The following VRK1 variants were observed in gnomAD, a reference collection of about 807,000 sequenced individuals.
VRK1 encodes VRK serine/threonine kinase 1.
Under a neutral mutation model 57.1 loss-of-function variants are expected in VRK1, and 33 were observed. The ratio of observed to expected loss-of-function variants is 0.58; its 90% CI spans 0.44 to 0.77. The LOEUF (loss-of-function observed/expected upper bound fraction) is 0.77. Ranked by LOEUF, VRK1 falls within the 30% of genes least tolerant of loss-of-function variation. The probability of loss-of-function intolerance (pLI) is 0.00; values close to 1 mark genes in which losing one functional copy is unlikely to be tolerated. For synonymous variants in VRK1, 137 were observed against 147.8 expected, an observed-to-expected ratio of 0.93 and a Z score of 0.53; for missense variants, 413 against 477.3, an observed-to-expected ratio of 0.87 and a Z score of 1.25.
intron 1 of VRK1, among the ~76,000 whole-genome samples, chr14:96,823,604 A>G (rs1245838129): frequency 6.6e-6 from 1 of 152,176 alleles, no homozygotes; most frequent in Non-Finnish European, 1.5e-5. Flanking sequence ...GCATCTAGAA[A>G]CTGTTTTCTT....
intron 11 of VRK1, among the ~76,000 whole-genome samples, chr14:96,869,652 T>TA (rs1290530406): frequency 6.6e-6 from 1 of 152,202 alleles, no homozygotes; most frequent in Admixed American, 6.5e-5. Flanking sequence ...TTTAAGAACA[T>TA]ATAAGTCAAA....
chr14:96,845,182 C>T (rs773370223), intron 3 of VRK1, among the ~76,000 whole-genome samples: 19 of 144,220 alleles, frequency 1.3e-4, no homozygotes, highest in Non-Finnish European at 2.4e-4. Context: ...TGTTAGCTTC[C>T]TCATTTGAAG....
chr14:96,879,136 T>TATAC (rs1566723599), intron 12 of VRK1, among the ~76,000 whole-genome samples: 2 of 152,186 alleles, frequency 1.3e-5, no homozygotes, highest in African/African-American at 4.8e-5. Context: ...CAAACTTGTA[T>TATAC]GTTATTTTCC....
At chr14:96,804,089 CCTAACT>C (rs1322781173) in intron 1 of VRK1, among the ~76,000 whole-genome samples, 1 of 152,206 alleles carries the variant, frequency 6.6e-6, no homozygotes, top group Non-Finnish European at 1.5e-5. Flanking sequence ...GAACTCTCTG[CCTAACT>C]CTAGGTCAGG....
intron 1 of VRK1, among the ~76,000 whole-genome samples, chr14:96,810,528 T>C (rs1168285143): frequency 6.6e-6 from 1 of 152,226 alleles, no homozygotes; most frequent in Admixed American, 6.5e-5. Flanking sequence ...TTTTTTCATA[T>C]GGTTATCTAT....
intron 11 of VRK1, among the ~76,000 whole-genome samples, chr14:96,871,402 T>TA (rs1334552999): frequency 6.0e-5 from 8 of 132,334 alleles, no homozygotes; most frequent in African/African-American, 2.1e-4. Flanking sequence ...ATGTGTGTGT[T>TA]ACATTTACAT....
chr14:96,809,598 A>G (rs1280287553), intron 1 of VRK1, among the ~76,000 whole-genome samples: 1 of 146,354 alleles, frequency 6.8e-6, no homozygotes, highest in Non-Finnish European at 1.5e-5. Context: ...TCTGAAACGA[A>G]GTCTCCCTTT....
rs928695311 is a variant in VRK1, at chr14:96,834,799, C to G, written c.160+1168C>G. On this transcript the variant is annotated intron_variant, in intron 2 of 12. Transcript: ENST00000216639. ...TATCTCTGATTTATGGCAAAAATCC[C>G]TGTAAACCATTAAAGAGTAGTGGCT... 6.6e-5 allele frequency among the ~76,000 whole-genome samples: 10 copies of G among 152,136 alleles called. No individual in the cohort carries two copies. The South Asian group carries it at 2.1e-3, about 32-fold the overall frequency.
chr14:96,829,947 G>A (rs1270826890), intron 1 of VRK1, among the ~76,000 whole-genome samples: 1 of 152,030 alleles, frequency 6.6e-6, no homozygotes, highest in Non-Finnish European at 1.5e-5. Flanking sequence ...TCTTATTGCT[G>A]TTTTCTATAT....
At chr14:96,831,472 GGAAA>G (rs1887001753) in intron 1 of VRK1, among the ~76,000 whole-genome samples, 1 of 152,074 alleles carries the variant, frequency 6.6e-6, no homozygotes, top group Non-Finnish European at 1.5e-5. Context: ...ACTATTTTTA[GGAAA>G]GAAAGTCATT....
intron 3 of VRK1, 24 bp from the exon 4 acceptor site, chr14:96,846,071 A>G (rs780563606): frequency 1.3e-6 from 2 of 1,588,968 alleles, no homozygotes; most frequent in East Asian, 2.2e-5. Flanking sequence ...TACTGCTAGT[A>G]CTAATTAACT....
In VRK1 at chr14:96,846,182, CA is replaced by C. The variant is rs1566703870; in HGVS notation, c.286+19del. 1.9e-6 allele frequency: 3 copies of C among 1,611,308 alleles called. No individual in the cohort carries two copies. The highest frequency in any genetic ancestry group is 2.5e-6 in the Non-Finnish European group (3 of 1,177,782). ...AGAGCAAAGTAAGAAATACAGTACA[CA>C]TACGTTTACACTTTTAAAATGACCA... On this transcript the variant is annotated intron_variant, in intron 4 of 12. Transcript: ENST00000216639.
At chr14:96,805,916 T>C (rs1026990591) in intron 1 of VRK1, among the ~76,000 whole-genome samples, 1 of 152,212 alleles carries the variant, frequency 6.6e-6, no homozygotes, top group African/African-American at 2.4e-5. Context: ...TCCACTGAAA[T>C]GTTGAGATTG....
chr14:96,801,772 TAAGA>T (rs1885672033), intron 1 of VRK1, among the ~76,000 whole-genome samples: 1 of 152,176 alleles, frequency 6.6e-6, no homozygotes, highest in Non-Finnish European at 1.5e-5. Context: ...AAGAAAACCC[TAAGA>T]AAGAGCAAAT....
In VRK1 at chr14:96,847,354, T is replaced by C; in HGVS notation, c.374+10T>C. The C allele has an allele frequency of 2.5e-6, 4 of 1,605,836 alleles. No individual in the cohort carries two copies. The South Asian group carries it at 4.4e-5, about 18-fold the overall frequency. ...ACAAAAATGGAAAAAGGTAAAAATA[T>C]GTGTGATTTGTCTTTCTCCTTCCCT... On this transcript the variant is annotated intron_variant, in intron 5 of 12. Coordinates refer to ENST00000216639, the MANE Select transcript of VRK1 (RefSeq NM_003384.3).
intron 1 of VRK1, among the ~76,000 whole-genome samples, chr14:96,828,554 T>C (rs1304519591): frequency 6.6e-6 from 1 of 152,176 alleles, no homozygotes; most frequent in Non-Finnish European, 1.5e-5. Context: ...TGAATATCAG[T>C]CTTGTCTATG....
At chr14:96,856,483 C>T (rs1566710325) in intron 9 of VRK1, 45 bp from the exon 10 acceptor site, 14 of 1,477,420 alleles carry the variant, frequency 9.5e-6, no homozygotes, top group Admixed American at 1.7e-5. Context: ...TTCATATTAA[C>T]ATATGACATC....
intron 1 of VRK1, among the ~76,000 whole-genome samples, chr14:96,810,922 C>T (rs910539222): frequency 1.4e-5 from 2 of 146,438 alleles, no homozygotes. Context: ...CCAAGATCAC[C>T]TGTTCTTCTG....
intron 12 of VRK1, chr14:96,877,545 G>C (rs971651219): frequency 7.8e-7 from 1 of 1,289,352 alleles, no homozygotes; most frequent in African/African-American, 1.5e-5. Flanking sequence ...GCATGTCTCA[G>C]CCAGAGGCTA....
Sources: allele counts gnomAD v4.1 joint callset (sites outside exome capture counted in the v4.1 genomes callset), GRCh38; gene constraint gnomAD v4.1.1; transcripts MANE v1.5; gene names NCBI Gene and HGNC (gene_info 2026-07-23, HGNC 2026-07-21).